RPF2: variants seen among roughly 807,000 people sequenced by gnomAD.
RPF2 encodes the protein brix domain containing 1.
RPF2 carries 21 observed loss-of-function variants against 38.9 expected under a neutral mutation model. That is an observed-to-expected ratio of 0.54 (90% CI 0.38 to 0.78). RPF2 has a LOEUF of 0.78. RPF2 is among the 30% of genes least tolerant of loss of function. RPF2 has a pLI of 0.00. For missense variants in RPF2, 314 were observed against 358.1 expected, an observed-to-expected ratio of 0.88 and a Z score of 0.99; for synonymous variants, 121 against 126.2, an observed-to-expected ratio of 0.96 and a Z score of 0.28.
intron 2 of RPF2, among the ~76,000 whole-genome samples, chr6:110,985,874 G>A (rs2114287998): frequency 6.8e-6 from 1 of 146,674 alleles, no homozygotes; most frequent in East Asian, 2.1e-4. Context: ...GGAGGTGGAG[G>A]TCACAGTCAG....
At chr6:110,998,776 C>T (rs1214210608) in intron 5 of RPF2, among the ~76,000 whole-genome samples, 1 of 151,906 alleles carries the variant, frequency 6.6e-6, no homozygotes, top group African/African-American at 2.4e-5. Flanking sequence ...TTGGTTGCAG[C>T]CAGTGCCAAG....
chr6:110,992,105 AAGACC>A (rs1170539618), intron 4 of RPF2, among the ~76,000 whole-genome samples: 2 of 152,034 alleles, frequency 1.3e-5, no homozygotes, highest in Non-Finnish European at 2.9e-5. Flanking sequence ...TTGGGAGTTC[AAGACC>A]AGCCTGACCA....
rs1242837497 is a variant in RPF2, at chr6:111,006,886, C to A, written c.394-1152C>A. 9.2e-5 allele frequency among the ~76,000 whole-genome samples: 14 copies of A among 152,070 alleles called. 1 individual carries two copies. Among genetic ancestry groups the A allele is most frequent in the African/African-American group, 3.4e-4 (14 of 41,412 alleles). On this transcript the variant is annotated intron_variant, in intron 6 of 9. Transcript: ENST00000441448. ...GTCGGGAGTTCGAGACCGGCCTGAC[C>A]AACATGGAGAAACCCCATCTCTACT...
At position 110,991,755 on chromosome 6, in the gene RPF2, T is replaced by G. The variant is rs772240189; in HGVS notation, c.203T>G (p.Ile68Ser). The change falls in exon 4 of 10, where the codon ATT becomes AGT. Residue 68 changes from isoleucine (I) to serine (S), a missense_variant. By Grantham distance (142) the Ile-to-Ser change is moderately radical. Transcript: ENST00000441448. ...PYGVLYKKKN[I>S]TRPFEDQTSL... ...TTTTTTGATATTCTTAGGAAAAATA[T>G]TACAAGACCTTTTGAGGATCAGACA... is the stretch of plus-strand genomic sequence containing the variant. The G allele has an allele frequency of 8.2e-7, 1 of 1,222,520 alleles. No homozygotes were observed. The highest frequency in any genetic ancestry group is 2.2e-5 in the Admixed American group (1 of 44,606). 75.7% of individuals were successfully genotyped at this position (1,222,520 alleles called of 1,614,324 possible). A position where few individuals can be genotyped will look rare whatever the true frequency, so the allele number is the denominator to read the frequency against.
At position 110,984,112 on chromosome 6, in the gene RPF2, A is replaced by G. The variant is rs187174582; in HGVS notation, c.24-894A>G. Among the ~76,000 whole-genome samples the G allele has an allele frequency of 5.9e-5, 9 of 152,312 alleles. No individual in the cohort carries two copies. In the East Asian group the frequency reaches 1.5e-3, roughly 26 times the overall value. On this transcript the variant is annotated intron_variant, in intron 1 of 9. Transcript: ENST00000441448. ...AAGCCTTAATAGAGTGACTCCATGTAAACATCAGCCTTATTATTCCCCATT... is the reference window on the plus strand; with the variant it reads ...AAGCCTTAATAGAGTGACTCCATGTGAACATCAGCCTTATTATTCCCCATT...
intron 6 of RPF2, among the ~76,000 whole-genome samples, chr6:111,003,531 T>C (rs1771850166): frequency 1.3e-5 from 2 of 152,156 alleles, no homozygotes; most frequent in Non-Finnish European, 2.9e-5. Context: ...TATTTAATAT[T>C]AGACTCTACC....
intron 8 of RPF2, among the ~76,000 whole-genome samples, chr6:111,023,055 C>T (rs535642372): frequency 9.2e-5 from 14 of 152,258 alleles, no homozygotes; most frequent in South Asian, 2.1e-4. Flanking sequence ...TGTGCCACCA[C>T]GCCTGGCTAA....
chr6:111,019,172 G>C (rs1266885239), intron 8 of RPF2, among the ~76,000 whole-genome samples: 2 of 152,174 alleles, frequency 1.3e-5, no homozygotes, highest in African/African-American at 4.8e-5. Flanking sequence ...CACTTGAGGA[G>C]TTCAAGACCA....
intron 4 of RPF2, among the ~76,000 whole-genome samples, chr6:110,992,815 G>A (rs12195706): frequency 0.091 from 13,796 of 152,136 alleles, 702 homozygotes; most frequent in Middle Eastern, 0.13. Flanking sequence ...AGTAGCTCAC[G>A]CCTGTAATCC....
intron 4 of RPF2, among the ~76,000 whole-genome samples, chr6:110,994,716 G>A (rs1456874593): frequency 9.3e-6 from 1 of 108,028 alleles, no homozygotes; most frequent in African/African-American, 4.5e-5. Context: ...ACTTTGTGGA[G>A]AATGGGATGA....
chr6:110,998,265 G>A (rs142636111), intron 5 of RPF2, among the ~76,000 whole-genome samples: 84 of 152,182 alleles, frequency 5.5e-4, no homozygotes, highest in Non-Finnish European at 1.0e-3. Flanking sequence ...GCCAGCACTG[G>A]GAGGGGCCAC....
chr6:110,991,819 C>T, intron 4 of RPF2, 33 bp downstream of exon 4: 1 of 905,646 alleles, frequency 1.1e-6, no homozygotes, highest in Non-Finnish European at 1.7e-6. Flanking sequence ...TTTAAGAAAG[C>T]ATATAAGTAG....
intron 2 of RPF2, among the ~76,000 whole-genome samples, chr6:110,986,679 C>T (rs1771530972): frequency 1.3e-5 from 2 of 152,148 alleles, no homozygotes; most frequent in South Asian, 4.1e-4. Context: ...ATGGGCCAGG[C>T]ACAGTGGCTC....
intron 6 of RPF2, among the ~76,000 whole-genome samples, chr6:111,004,550 T>G (rs1006722934): frequency 7.4e-5 from 8 of 107,816 alleles, no homozygotes; most frequent in African/African-American, 2.2e-4. Context: ...AGTATTGGGG[T>G]TTTTTTTTTT....
chr6:111,010,128 C>CTTTT (rs201363141), intron 7 of RPF2, among the ~76,000 whole-genome samples: 1 of 130,716 alleles, frequency 7.7e-6, no homozygotes. Flanking sequence ...TTTTTTTTTT[C>CTTTT]TTTTTTTTTT....
At chr6:111,009,392 T>C (rs2342511) in intron 7 of RPF2, among the ~76,000 whole-genome samples, 19,548 of 151,794 alleles carry the variant, frequency 0.13, 1,729 homozygotes, top group East Asian at 0.49. Flanking sequence ...AGGGTTTTGC[T>C]ATGTTGGCCA....
At chr6:111,021,055 G>C (rs1772223486) in intron 8 of RPF2, among the ~76,000 whole-genome samples, 1 of 152,102 alleles carries the variant, frequency 6.6e-6, no homozygotes, top group Non-Finnish European at 1.5e-5. Flanking sequence ...TGTAATCCCA[G>C]CTATTCAGGG....
intron 8 of RPF2, among the ~76,000 whole-genome samples, chr6:111,018,526 A>G (rs1267312969): frequency 6.6e-6 from 1 of 152,210 alleles, no homozygotes; most frequent in African/African-American, 2.4e-5. Context: ...TTTTCTTCAC[A>G]ATGAAAATAC....
Position 111,025,642 on chromosome 6 carries a change from C to T in RPF2, c.*60C>T. 1 of 1,225,994 alleles carries T rather than the reference C, an allele frequency of 8.2e-7. No individual in the cohort carries two copies. The highest frequency in any genetic ancestry group is 2.4e-5 in the Admixed American group (1 of 41,052). The allele number at this position is 1,225,994 out of a possible 1,614,324, so 75.9% of individuals were successfully genotyped here. ...TCTACTTAAGAGAATTATCAAGCGTCAATCCATTCAGAGTTTCTTATAAGA... is the reference window on the plus strand; with the variant it reads ...TCTACTTAAGAGAATTATCAAGCGTTAATCCATTCAGAGTTTCTTATAAGA... On this transcript the variant is annotated 3_prime_UTR_variant, in exon 10 of 10. Transcript: ENST00000441448.
Sources: gnomAD v4.1 joint callset for allele counts (sites outside exome capture counted in the v4.1 genomes callset) on GRCh38, gnomAD v4.1.1 for gene constraint, MANE v1.5 for transcripts, NCBI Gene and HGNC (gene_info 2026-07-23, HGNC 2026-07-21) for gene names.